The following ZNF514 variants were observed in gnomAD, a reference collection of about 807,000 sequenced individuals.
The protein encoded by ZNF514 is zinc finger protein 514.
In ZNF514, 12 loss-of-function variants were observed where a neutral mutation model predicts 9.7. The ratio of observed to expected loss-of-function variants is 1.24; its 90% CI spans 0.79 to 2.01. ZNF514 has a LOEUF of 2.01. Among genes scored for constraint, ZNF514 ranks in the 30% most tolerant of loss-of-function variants. The pLI is 0.00. For missense variants in ZNF514, 467 were observed against 465.5 expected (o/e 1.00, Z -0.03); for synonymous variants, 158 against 163.7 (o/e 0.97, Z 0.27).
downstream of ZNF514, among the ~76,000 whole-genome samples, chr2:95,142,537 C>CT (rs1331810832): frequency 1.3e-5 from 2 of 152,172 alleles, no homozygotes; most frequent in Admixed American, 6.5e-5. Context: ...AAACAACTCC[C>CT]TTTTTTTCTG....
At chr2:95,125,249 G>C in the ZNF514 span, among the ~76,000 whole-genome samples, 1 of 127,620 alleles carries the variant, frequency 7.8e-6, no homozygotes, top group Admixed American at 8.2e-5. Context: ...TTTTTTTTGA[G>C]ACGGAGTCTC....
chr2:95,150,640 T>G (rs1573377752), intron 4 of ZNF514, among the ~76,000 whole-genome samples: 1 of 152,130 alleles, frequency 6.6e-6, no homozygotes, highest in East Asian at 1.9e-4. Context: ...CAGGTACAGA[T>G]TCTATATTCT....
intron 2 of ZNF514, chr2:95,154,344 T>G (rs1234271176): frequency 1.3e-5 from 2 of 152,274 alleles, no homozygotes; most frequent in Non-Finnish European, 2.9e-5. Context: ...GAGGGTTTGC[T>G]GTTGCTATCA....
chr2:95,155,144 C>T (rs1354338975), intron 2 of ZNF514: 1 of 152,190 alleles, frequency 6.6e-6, no homozygotes, highest in Non-Finnish European at 1.5e-5. Flanking sequence ...CCTGGGCCAC[C>T]AACCTACTCC....
At position 95,157,362 on chromosome 2, in the gene ZNF514, C is replaced by A. The variant is rs1465827718; in HGVS notation, c.-18G>T. On this transcript the variant is annotated 5_prime_UTR_variant, in exon 2 of 5. Transcript: ENST00000295208. ...AGAATACAACTCACCCGAGGCCTGG[C>A]TTTCAGGAATGAATTGGTTGTTCCC... is the stretch of plus-strand genomic sequence containing the variant. 1 of 1,289,668 alleles carries A rather than the reference C, an allele frequency of 7.8e-7. No individual in the cohort carries two copies. Among genetic ancestry groups the A allele is most frequent in the Non-Finnish European group, 1.0e-6 (1 of 988,780 alleles). The allele number at this position is 1,289,668 out of a possible 1,614,324, so 79.9% of individuals were successfully genotyped here. A position where few individuals can be genotyped will look rare whatever the true frequency, so the allele number is the denominator to read the frequency against.
the ZNF514 span, among the ~76,000 whole-genome samples, chr2:95,133,093 T>C: frequency 2.4e-3 from 360 of 152,274 alleles, 2 homozygotes; most frequent in African/African-American, 8.4e-3. Context: ...CCATGTCATA[T>C]ACTCCTACTC....
chr2:95,132,688 C>T, the ZNF514 span, among the ~76,000 whole-genome samples: 1,510 of 151,938 alleles, frequency 9.9e-3, 24 homozygotes, highest in African/African-American at 0.034. Context: ...GTCAACATGG[C>T]GAAACCCCGT....
At chr2:95,134,097 T>G in the ZNF514 span, among the ~76,000 whole-genome samples, 1 of 152,166 alleles carries the variant, frequency 6.6e-6, no homozygotes, top group African/African-American at 2.4e-5. Context: ...TACCAAGGAC[T>G]AAAGGAATCT....
At chr2:95,123,843 CAAGTTTTG>C in the ZNF514 span, among the ~76,000 whole-genome samples, 1 of 152,178 alleles carries the variant, frequency 6.6e-6, no homozygotes, top group African/African-American at 2.4e-5. Flanking sequence ...AGGCCCAAAG[CAAGTTTTG>C]ATTACTTAGT....
At chr2:95,125,323 C>G in the ZNF514 span, among the ~76,000 whole-genome samples, 1 of 151,684 alleles carries the variant, frequency 6.6e-6, no homozygotes, top group African/African-American at 2.4e-5. Context: ...TCACTGCAAC[C>G]TCCGCCTCCT....
intron 2 of ZNF514, 69 bp downstream of exon 2, chr2:95,157,282 T>G: frequency 9.3e-7 from 1 of 1,072,274 alleles, no homozygotes; most frequent in Non-Finnish European, 1.3e-6. Context: ...AGAGGCTACT[T>G]TTTGGTGAAA....
At chr2:95,151,720 G>T (rs1673551336) in intron 4 of ZNF514, among the ~76,000 whole-genome samples, 1 of 152,184 alleles carries the variant, frequency 6.6e-6, no homozygotes, top group African/African-American at 2.4e-5. Context: ...TGAGTCAATA[G>T]GTCTTGTGTG....
At chr2:95,144,172 T>A (rs1489878431), downstream of ZNF514, among the ~76,000 whole-genome samples, 1 of 152,196 alleles carries the variant, frequency 6.6e-6, no homozygotes, top group African/African-American at 2.4e-5. Context: ...TATCTGTGTG[T>A]CAGTGTACTT....
chr2:95,158,326 T>C (rs1673742512), intron 1 of ZNF514, among the ~76,000 whole-genome samples: 1 of 152,204 alleles, frequency 6.6e-6, no homozygotes, highest in African/African-American at 2.4e-5. Flanking sequence ...GGCCCAGTTC[T>C]TCCACTGGCC....
At chr2:95,131,559 G>A in the ZNF514 span, among the ~76,000 whole-genome samples, 2 of 152,168 alleles carry the variant, frequency 1.3e-5, no homozygotes, top group African/African-American at 4.8e-5. Context: ...CTTCTTTCCA[G>A]TGTCGGGTGT....
chr2:95,153,323 T>C (rs1249847092), intron 2 of ZNF514, 64 bp from the exon 3 acceptor site: 8 of 1,531,634 alleles, frequency 5.2e-6, no homozygotes, highest in Middle Eastern at 1.7e-4. Flanking sequence ...TGCTAGGAAA[T>C]ATAATCAGGG....
At chr2:95,135,429 T>TC in the ZNF514 span, among the ~76,000 whole-genome samples, 10 of 151,060 alleles carry the variant, frequency 6.6e-5, no homozygotes, top group East Asian at 3.9e-4. Flanking sequence ...TTTTTTTTTT[T>TC]TCTCTTTTTT....
the ZNF514 span, among the ~76,000 whole-genome samples, chr2:95,138,651 T>C: frequency 1.3e-5 from 2 of 152,188 alleles, no homozygotes; most frequent in Admixed American, 6.5e-5. Context: ...AAGTTGGAAT[T>C]TGTATTTCAA....
chr2:95,124,533 C>T, the ZNF514 span, among the ~76,000 whole-genome samples: 1 of 152,238 alleles, frequency 6.6e-6, no homozygotes, highest in Non-Finnish European at 1.5e-5. Context: ...CAGAGTCTCG[C>T]TCTGTCACCC....
Sources: gnomAD v4.1 joint callset for allele counts (sites outside exome capture counted in the v4.1 genomes callset) on GRCh38, gnomAD v4.1.1 for gene constraint, MANE v1.5 for transcripts, NCBI Gene and HGNC (gene_info 2026-07-23, HGNC 2026-07-21) for gene names.